Variants in CECR2 observed in about 807,000 individuals in gnomAD.
The protein encoded by CECR2 is CECR2 histone acetyl-lysine reader.
CECR2 carries 30 observed loss-of-function variants against 154.5 expected under a neutral mutation model. That is an observed-to-expected ratio of 0.19 (90% confidence interval 0.15 to 0.26). The LOEUF is 0.26. Among genes scored for constraint, CECR2 ranks in the 10% least tolerant of loss-of-function variants. The pLI is 1.00. For missense variants in CECR2, 1,743 were observed against 1,829.3 expected (o/e 0.95, Z 0.86); for synonymous variants, 725 against 683.7 (o/e 1.06, Z -0.94).
chr22:17,536,047 G>A (rs571740472), intron 9 of CECR2, among the ~76,000 whole-genome samples: 88 of 152,156 alleles, frequency 5.8e-4, no homozygotes, highest in African/African-American at 1.5e-3. Context: ...TCACGAGTTC[G>A]AGACCAGCCT....
chr22:17,468,299 C>A (rs1432660380), intron 1 of CECR2, among the ~76,000 whole-genome samples: 1 of 152,068 alleles, frequency 6.6e-6, no homozygotes, highest in Non-Finnish European at 1.5e-5. Flanking sequence ...AGTCCCTGCC[C>A]CCTCATTTCT....
intron 1 of CECR2, among the ~76,000 whole-genome samples, chr22:17,398,493 G>A (rs942606032): frequency 6.6e-6 from 1 of 152,196 alleles, no homozygotes; most frequent in Non-Finnish European, 1.5e-5. Context: ...GGGAGTTTTT[G>A]TCTGGGAGAA....
intron 1 of CECR2, among the ~76,000 whole-genome samples, chr22:17,378,273 G>T (rs574114065): frequency 6.8e-6 from 1 of 147,794 alleles, no homozygotes; most frequent in African/African-American, 2.5e-5. Context: ...GTGAGCCACC[G>T]CGCTGGGCTG....
In CECR2 at chr22:17,467,066, G is replaced by A. The variant is rs528722981; in HGVS notation, c.127-10522G>A. 5.9e-5 allele frequency among the ~76,000 whole-genome samples: 9 copies of A among 152,280 alleles called. No homozygotes were observed. The East Asian group carries it at 1.5e-3, about 26-fold the overall frequency. On this transcript the variant is annotated intron_variant, in intron 1 of 18. Coordinates refer to ENST00000262608, the MANE Select transcript of CECR2 (RefSeq NM_001290047.2). ...TTTCCAGATCAGCTGTTGACTCTGC[G>A]CTTTCTGTCTTCCTTCCGCTGTCTA...
At chr22:17,484,191 AT>A (rs1177065932) in intron 2 of CECR2, among the ~76,000 whole-genome samples, 3 of 152,170 alleles carry the variant, frequency 2.0e-5, no homozygotes, top group Admixed American at 6.5e-5. Flanking sequence ...ATGCGTGGCT[AT>A]TTTAGGCCCT....
At chr22:17,500,534 C>A in intron 4 of CECR2, 97 bp from the exon 5 acceptor site, 2 of 879,946 alleles carry the variant, frequency 2.3e-6, no homozygotes, top group Non-Finnish European at 3.4e-6. Context: ...ACATTTAATC[C>A]TTTTTGGTAA....
rs1353317776 is a variant in CECR2, at chr22:17,369,882, G to C, written c.99G>C (p.Ala33=). 1 of 151,170 alleles carries C rather than the reference G, an allele frequency of 6.6e-6. No homozygotes were observed. Among genetic ancestry groups the C allele is most frequent in the Non-Finnish European group, 1.5e-5 (1 of 67,722 alleles). The allele number at this position is 151,170 out of a possible 1,614,324, so 9.4% of individuals were successfully genotyped here. ...ACTTCTGCTCGCTCTTTCGCACCGC[G>C]TTCCGCCTGCCCGACTTCGAGATCG... ...IAHFCSLFRT[A]FRLPDFEIEE... The change falls in exon 1 of 19, where the codon GCG becomes GCC. Residue 33 remains alanine (A), a synonymous_variant. Coordinates refer to ENST00000262608, the MANE Select transcript of CECR2 (RefSeq NM_001290047.2).
chr22:17,362,538 AT>A (rs1347705166), intron 1 of CECR2, among the ~76,000 whole-genome samples: 1 of 131,318 alleles, frequency 7.6e-6, no homozygotes, highest in Non-Finnish European at 1.8e-5. Context: ...TGAAAAAATA[AT>A]TTTTTAGTTC....
intron 2 of CECR2, among the ~76,000 whole-genome samples, chr22:17,482,495 C>T (rs2055343960): frequency 6.6e-6 from 1 of 152,046 alleles, no homozygotes; most frequent in Non-Finnish European, 1.5e-5. Flanking sequence ...ATTTACTGTG[C>T]CGTACTTTAA....
Position 17,542,338 on chromosome 22 carries a change from G to T in CECR2, c.2195G>T (p.Gly732Val). The T allele has an allele frequency of 6.2e-7, 1 of 1,613,622 alleles. No homozygotes were observed. Among genetic ancestry groups the T allele is most frequent in the Non-Finnish European group, 8.5e-7 (1 of 1,179,752 alleles). The change falls in exon 16 of 19, where the codon GGA becomes GTA. Residue 732 changes from glycine (G) to valine (V), a missense_variant. Gly to Val is a moderately radical substitution (Grantham distance 109). Coordinates refer to ENST00000262608, the MANE Select transcript of CECR2 (RefSeq NM_001290047.2). ...TATGCTCCAGCTCAGTTCCAGCCAG[G>T]ATTCATTCCTCCCCGGCATGGGGGG... ...SMYAPAQFQP[G>V]FIPPRHGGAP...
intron 1 of CECR2, among the ~76,000 whole-genome samples, chr22:17,470,909 C>T (rs2055116344): frequency 6.6e-6 from 1 of 152,156 alleles, no homozygotes; most frequent in South Asian, 2.1e-4. Context: ...TCTTTGGTGA[C>T]TCCCCAGTAC....
chr22:17,441,175 CTGACCTCAGG>C (rs1209977153), intron 1 of CECR2, among the ~76,000 whole-genome samples: 4 of 152,190 alleles, frequency 2.6e-5, no homozygotes, highest in Non-Finnish European at 5.9e-5. Context: ...TCTCGAACTC[CTGACCTCAGG>C]TGATCCGCCT....
At chr22:17,403,920 T>G (rs543247053) in intron 1 of CECR2, among the ~76,000 whole-genome samples, 2 of 151,584 alleles carry the variant, frequency 1.3e-5, no homozygotes, top group South Asian at 4.2e-4. Flanking sequence ...GTTGGTGGGG[T>G]TTTTTTTGAG....
intron 1 of CECR2, among the ~76,000 whole-genome samples, chr22:17,427,634 G>T (rs2054351952): frequency 6.6e-6 from 1 of 152,134 alleles, no homozygotes; most frequent in Admixed American, 6.5e-5. Context: ...GCAGCAGCAA[G>T]ATTTATTATG....
At chr22:17,497,708 T>C in intron 3 of CECR2, 122 bp downstream of exon 3, 1 of 880,530 alleles carries the variant, frequency 1.1e-6, no homozygotes, top group Non-Finnish European at 1.8e-6. Flanking sequence ...GTCTTGGTAC[T>C]ATTCATTGCC....
intron 1 of CECR2, among the ~76,000 whole-genome samples, chr22:17,432,204 G>A (rs1031551833): frequency 6.6e-6 from 1 of 152,032 alleles, no homozygotes; most frequent in East Asian, 1.9e-4. Context: ...GACATTTCCT[G>A]TAAGTGGAAT....
rs1377180289 is a variant in CECR2 at position 17,495,584 on chromosome 22, C to T, written c.222-1819C>T. On this transcript the variant is annotated intron_variant, in intron 2 of 18. Transcript: ENST00000262608. ...AACTCCATTAAAAAAAAAAAAAAAA[C>T]GGGTGTGGTGGCTCACGCCTGTAAT... 7.8e-5 allele frequency among the ~76,000 whole-genome samples: 5 copies of T among 64,514 alleles called. No individual in the cohort carries two copies. In the East Asian group the frequency reaches 1.6e-3, roughly 21 times the overall value. 42.3% of individuals were successfully genotyped at this position (64,514 alleles called of 152,430 possible).
chr22:17,522,826 G>A (rs550010097), intron 8 of CECR2, among the ~76,000 whole-genome samples: 2 of 152,158 alleles, frequency 1.3e-5, no homozygotes. Context: ...TCAACATGGT[G>A]AAATCCCATC....
At chr22:17,488,948 A>G (rs1240832193) in intron 2 of CECR2, among the ~76,000 whole-genome samples, 4 of 152,028 alleles carry the variant, frequency 2.6e-5, no homozygotes, top group Admixed American at 2.0e-4. Flanking sequence ...TTAAATTTTT[A>G]TTTACTTATT....
Sources: gnomAD v4.1 joint callset for allele counts (sites outside exome capture counted in the v4.1 genomes callset) on GRCh38, gnomAD v4.1.1 for gene constraint, MANE v1.5 for transcripts, NCBI Gene and HGNC (gene_info 2026-07-23, HGNC 2026-07-21) for gene names.